AGBL4: variants seen among roughly 807,000 people sequenced by gnomAD.
The protein encoded by AGBL4 is AGBL carboxypeptidase 4.
In AGBL4, 58 loss-of-function variants were observed where a neutral mutation model predicts 66.4. The observed-to-expected ratio is 0.87, with a 90% confidence interval of 0.71 to 1.09. AGBL4 has a LOEUF of 1.09. Among genes scored for constraint, AGBL4 ranks in the 50% least tolerant of loss-of-function variants. The pLI is 0.00. For missense variants in AGBL4, 579 were observed against 631.0 expected (o/e 0.92, Z 0.88); for synonymous variants, 234 against 222.9 (o/e 1.05, Z -0.44).
At chr1:49,454,357 A>T (rs1646343663) in intron 3 of AGBL4, among the ~76,000 whole-genome samples, 2 of 151,926 alleles carry the variant, frequency 1.3e-5, no homozygotes, top group African/African-American at 2.4e-5. Context: ...AAGTACCTTC[A>T]TACCAAGAGC....
intron 3 of AGBL4, among the ~76,000 whole-genome samples, chr1:49,559,405 T>C (rs1457249949): frequency 1.3e-5 from 2 of 152,142 alleles, no homozygotes; most frequent in African/African-American, 2.4e-5. Context: ...GCTTAAATTA[T>C]GTGATGGTTA....
At chr1:49,844,564 G>T in intron 2 of AGBL4, 3 of 841,962 alleles carry the variant, frequency 3.6e-6, no homozygotes, top group Non-Finnish European at 3.4e-6. Context: ...TTTTTAAATA[G>T]TCAAAGCCAC....
intron 2 of AGBL4, among the ~76,000 whole-genome samples, chr1:49,731,094 G>A (rs1649410374): frequency 6.6e-6 from 1 of 152,088 alleles, no homozygotes; most frequent in African/African-American, 2.4e-5. Flanking sequence ...CAGAAAGTGT[G>A]AGGACAAAGT....
At chr1:49,931,020 T>C (rs1163745126) in intron 1 of AGBL4, among the ~76,000 whole-genome samples, 2 of 152,072 alleles carry the variant, frequency 1.3e-5, no homozygotes, top group Admixed American at 1.3e-4. Context: ...GAAAAGAATA[T>C]AAAAGCACCA....
intron 3 of AGBL4, among the ~76,000 whole-genome samples, chr1:49,335,566 A>G (rs1321176901): frequency 6.6e-6 from 1 of 151,454 alleles, no homozygotes; most frequent in Non-Finnish European, 1.5e-5. Flanking sequence ...CCCAGCCTGG[A>G]GTGCAGTGGT....
intron 2 of AGBL4, among the ~76,000 whole-genome samples, chr1:49,756,585 A>C (rs894262972): frequency 6.6e-6 from 1 of 152,164 alleles, no homozygotes; most frequent in African/African-American, 2.4e-5. Context: ...TCCCATCTTG[A>C]ATTGTAGTTC....
At chr1:49,511,486 G>A (rs1649247469) in intron 3 of AGBL4, among the ~76,000 whole-genome samples, 1 of 148,864 alleles carries the variant, frequency 6.7e-6, no homozygotes. Context: ...GGATAGCATT[G>A]GGAGATATAC....
intron 9 of AGBL4, among the ~76,000 whole-genome samples, chr1:48,597,108 C>T (rs1215913103): frequency 6.6e-6 from 1 of 152,234 alleles, no homozygotes; most frequent in African/African-American, 2.4e-5. Context: ...CCTTTTACTG[C>T]TTATCCCAAA....
At chr1:49,994,924 G>A (rs1423066975) in intron 1 of AGBL4, 1 of 353,536 alleles carries the variant, frequency 2.8e-6, no homozygotes, top group Non-Finnish European at 5.6e-6. Context: ...CTGGAGCTGA[G>A]ACAAATATAA....
intron 2 of AGBL4, among the ~76,000 whole-genome samples, chr1:49,825,058 C>G (rs1353344108): frequency 2.0e-5 from 3 of 152,190 alleles, no homozygotes; most frequent in Non-Finnish European, 4.4e-5. Context: ...ATAAGTCACC[C>G]AACCTGTTAC....
At chr1:48,583,523 A>T (rs1453567711) in intron 11 of AGBL4, among the ~76,000 whole-genome samples, 1 of 152,234 alleles carries the variant, frequency 6.6e-6, no homozygotes, top group Admixed American at 6.5e-5. Context: ...TGTTTGCATA[A>T]TACCACATCT....
intron 4 of AGBL4, among the ~76,000 whole-genome samples, chr1:49,123,017 C>G (rs1242813766): frequency 2.0e-5 from 3 of 152,144 alleles, no homozygotes; most frequent in African/African-American, 7.2e-5. Context: ...CCATGCCCAG[C>G]TAATTTTTTG....
chr1:50,006,340 A>G (rs1304128325), intron 1 of AGBL4, among the ~76,000 whole-genome samples: 2 of 139,100 alleles, frequency 1.4e-5, no homozygotes, highest in Non-Finnish European at 1.6e-5. Context: ...CTCCGCCTCA[A>G]AAAAAAAAAA....
rs1188311744 is a variant in AGBL4 at position 48,959,468 on chromosome 1, G to T, written c.594+86116C>A. Among the ~76,000 whole-genome samples, 2 of 152,306 alleles carry T rather than the reference G, an allele frequency of 1.3e-5. 1 individual carries two copies. Among genetic ancestry groups the T allele is most frequent in the East Asian group, 3.9e-4 (2 of 5,182 alleles). The stretch of plus-strand genomic sequence containing the variant: ...TAATGAATGTCATAGCTCTCCAGGA[G>T]TTTATGCTTTAATAGAAGAAAATAT... On this transcript the variant is annotated intron_variant, in intron 5 of 13. Coordinates refer to ENST00000371839, the MANE Select transcript of AGBL4 (RefSeq NM_032785.4).
At chr1:49,704,256 C>G (rs1439398174) in intron 2 of AGBL4, among the ~76,000 whole-genome samples, 4 of 151,922 alleles carry the variant, frequency 2.6e-5, no homozygotes. Flanking sequence ...GTAATCAAGA[C>G]AGTTTGGTAT....
At position 49,333,847 on chromosome 1, in the gene AGBL4, A is replaced by ATTTTATTT. The variant is rs1645382662; in HGVS notation, c.283-87984_283-87983insAAATAAAA. On this transcript the variant is annotated intron_variant, in intron 3 of 13. Coordinates refer to ENST00000371839, the MANE Select transcript of AGBL4 (RefSeq NM_032785.4). ...AACTCAATCCAACTGGAAAAATACC[A>ATTTTATTT]CTATTTAAATTTGTGGGACTTCCAT... is the stretch of plus-strand genomic sequence containing the variant. Among the ~76,000 whole-genome samples, 3 of 152,260 alleles carry ATTTTATTT rather than the reference A, an allele frequency of 2.0e-5. No individual in the cohort carries two copies. The South Asian group carries it at 6.2e-4, about 32-fold the overall frequency.
At chr1:49,872,351 T>C (rs1440508496) in intron 1 of AGBL4, among the ~76,000 whole-genome samples, 1 of 152,064 alleles carries the variant, frequency 6.6e-6, no homozygotes, top group Non-Finnish European at 1.5e-5. Flanking sequence ...TAGGGCATAA[T>C]TGGAGACACT....
intron 3 of AGBL4, among the ~76,000 whole-genome samples, chr1:49,355,337 A>C (rs1245443780): frequency 2.6e-5 from 4 of 152,056 alleles, no homozygotes; most frequent in African/African-American, 9.7e-5. Flanking sequence ...CAAGGCCAAA[A>C]CCAGGGCGTC....
intron 6 of AGBL4, among the ~76,000 whole-genome samples, chr1:48,689,720 G>C (rs1445641993): frequency 1.2e-4 from 18 of 152,132 alleles, no homozygotes; most frequent in Admixed American, 1.2e-3. Flanking sequence ...GTGACTTGAG[G>C]GGTGAAGAGG....
Sources: gnomAD v4.1 joint callset for allele counts (sites outside exome capture counted in the v4.1 genomes callset) on GRCh38, gnomAD v4.1.1 for gene constraint, MANE v1.5 for transcripts, NCBI Gene and HGNC (gene_info 2026-07-23, HGNC 2026-07-21) for gene names.